The following DGKG variants were observed in gnomAD, a reference collection of about 807,000 sequenced individuals.
DGKG encodes DAG kinase gamma.
A neutral mutation model predicts 105.3 loss-of-function variants in DGKG; 78 were observed. That is an observed-to-expected ratio of 0.74 (90% confidence interval 0.62 to 0.89). DGKG has a LOEUF of 0.89. Among genes scored for constraint, DGKG ranks in the 40% least tolerant of loss-of-function variants. The pLI, the probability that DGKG is intolerant of heterozygous loss-of-function variation, is 0.00. For missense variants in DGKG, 958 were observed against 1,020.1 expected (o/e 0.94, Z 0.83); for synonymous variants, 346 against 367.1 (o/e 0.94, Z 0.66).
At chr3:186,166,294 G>A (rs962651631) in intron 22 of DGKG, among the ~76,000 whole-genome samples, 2 of 152,192 alleles carry the variant, frequency 1.3e-5, no homozygotes. Context: ...GCTTGCATCA[G>A]TCTTTCTGTG....
rs1427981801 is a variant in DGKG at position 186,211,688 on chromosome 3, G to A, written c.1917+107C>T. 5.0e-6 allele frequency: 4 copies of A among 802,092 alleles called. No homozygotes were observed. In the African/African-American group the frequency reaches 5.1e-5, roughly 10 times the overall value. 49.7% of individuals were successfully genotyped at this position (802,092 alleles called of 1,614,324 possible). On this transcript the variant is annotated intron_variant, in intron 21 of 24. Transcript: ENST00000265022. ...AGGATGGAGAAACAACAGAGACTACGCTCTGGGTCACCTCTTAAGGTCCCA... is the reference window on the plus strand; with the variant it reads ...AGGATGGAGAAACAACAGAGACTACACTCTGGGTCACCTCTTAAGGTCCCA...
At chr3:186,265,941 A>AT (rs2108578762) in intron 13 of DGKG, among the ~76,000 whole-genome samples, 1 of 152,160 alleles carries the variant, frequency 6.6e-6, no homozygotes, top group Admixed American at 6.5e-5. Context: ...AAGTGCTGGG[A>AT]TTACAGGTGT....
At chr3:186,288,988 G>T in intron 5 of DGKG, 108 bp from the exon 6 acceptor site, 1 of 1,138,332 alleles carries the variant, frequency 8.8e-7, no homozygotes, top group Non-Finnish European at 1.2e-6. Flanking sequence ...TTTTGTAGAA[G>T]TGTCTTCAAA....
At position 186,158,586 on chromosome 3, in the gene DGKG, A is replaced by G. The variant is rs185174475; in HGVS notation, c.2277+3017T>C. ...TTTTTGCCTTGTAAACTAGTTTATG[A>G]TCTAGTTTAATAAATATGAATGCCT... On this transcript the variant is annotated intron_variant, in intron 24 of 24. Transcript: ENST00000265022. 20 of 923,712 alleles carry G rather than the reference A, an allele frequency of 2.2e-5. No homozygotes were observed. In the East Asian group the frequency reaches 2.4e-3, roughly 109 times the overall value. 57.2% of individuals were successfully genotyped at this position (923,712 alleles called of 1,614,324 possible). A position where few individuals can be genotyped will look rare whatever the true frequency, so the allele number is the denominator to read the frequency against.
At chr3:186,207,368 G>T (rs996637839) in intron 21 of DGKG, 73 of 854,172 alleles carry the variant, frequency 8.5e-5, no homozygotes, top group Non-Finnish European at 9.3e-5. Flanking sequence ...GGCAAATCTG[G>T]ATTTGAAGGC....
chr3:186,340,690 C>T (rs190644751), intron 1 of DGKG, among the ~76,000 whole-genome samples: 150 of 152,296 alleles, frequency 9.8e-4, no homozygotes, highest in Non-Finnish European at 1.3e-3. Flanking sequence ...CTTCCTCCCA[C>T]GTCTATCTCC....
At chr3:186,174,966 A>G (rs935508606) in intron 22 of DGKG, among the ~76,000 whole-genome samples, 5 of 152,110 alleles carry the variant, frequency 3.3e-5, no homozygotes, top group African/African-American at 1.2e-4. Context: ...AAGAGTTAGG[A>G]AGGAGAAGCA....
intron 2 of DGKG, among the ~76,000 whole-genome samples, chr3:186,314,965 C>G (rs1487853496): frequency 6.6e-6 from 1 of 151,996 alleles, no homozygotes; most frequent in Non-Finnish European, 1.5e-5. Context: ...AGAAAAAATG[C>G]CCACCCCCCA....
At chr3:186,330,951 C>T (rs1412832140) in intron 1 of DGKG, among the ~76,000 whole-genome samples, 1 of 152,182 alleles carries the variant, frequency 6.6e-6, no homozygotes, top group East Asian at 1.9e-4. Flanking sequence ...TACACAAGCA[C>T]TTTTAGGGGC....
chr3:186,244,406 T>C (rs1720837773), intron 19 of DGKG, among the ~76,000 whole-genome samples: 1 of 134,166 alleles, frequency 7.5e-6, no homozygotes, highest in South Asian at 2.2e-4. Flanking sequence ...TAGCTATTGA[T>C]GTTTTTTTTT....
intron 6 of DGKG, among the ~76,000 whole-genome samples, chr3:186,285,955 A>G (rs1463540848): frequency 6.6e-6 from 1 of 152,176 alleles, no homozygotes; most frequent in African/African-American, 2.4e-5. Flanking sequence ...CTGGGATTAC[A>G]GGCGTGAGCC....
At chr3:186,246,764 T>C (rs1337740442) in intron 19 of DGKG, among the ~76,000 whole-genome samples, 1 of 152,168 alleles carries the variant, frequency 6.6e-6, no homozygotes, top group African/African-American at 2.4e-5. Context: ...AGGACGCTTA[T>C]CATGGTGGGA....
intron 1 of DGKG, among the ~76,000 whole-genome samples, chr3:186,334,144 G>A (rs1725721776): frequency 6.6e-6 from 1 of 152,044 alleles, no homozygotes; most frequent in Non-Finnish European, 1.5e-5. Context: ...CTTACTGAGG[G>A]TCTACTATCT....
At chr3:186,291,213 A>C (rs1723296403) in intron 5 of DGKG, among the ~76,000 whole-genome samples, 1 of 151,802 alleles carries the variant, frequency 6.6e-6, no homozygotes, top group African/African-American at 2.4e-5. Flanking sequence ...ATTTAAGAGG[A>C]GGGAATCCTA....
intron 1 of DGKG, among the ~76,000 whole-genome samples, chr3:186,341,383 A>T (rs1726078193): frequency 6.6e-6 from 1 of 152,264 alleles, no homozygotes; most frequent in East Asian, 1.9e-4. Flanking sequence ...GCAGTGGTAC[A>T]CAACTGTAGT....
At chr3:186,320,274 C>A (rs1013433397) in intron 2 of DGKG, 119 bp downstream of exon 2, 12 of 1,168,532 alleles carry the variant, frequency 1.0e-5, no homozygotes, top group Non-Finnish European at 1.4e-5. Context: ...GAAATATAAG[C>A]CGTCAGGCCT....
intron 20 of DGKG, among the ~76,000 whole-genome samples, chr3:186,229,934 G>C (rs536201195): frequency 6.6e-6 from 1 of 152,140 alleles, no homozygotes; most frequent in Admixed American, 6.5e-5. Context: ...AGACAAAGAG[G>C]GTGCAGCAAA....
chr3:186,224,713 T>TTCAATGATTGA (rs1719763950), intron 20 of DGKG, among the ~76,000 whole-genome samples: 1 of 151,968 alleles, frequency 6.6e-6, no homozygotes, highest in Non-Finnish European at 1.5e-5. Flanking sequence ...TCCAAGTGTA[T>TTCAATGATTGA]TCAATGATTG....
intron 24 of DGKG, chr3:186,159,637 ACTT>A (rs1194254388): frequency 6.6e-6 from 1 of 152,154 alleles, no homozygotes; most frequent in Non-Finnish European, 1.5e-5. Flanking sequence ...ATTTTGAATC[ACTT>A]CTTAGTTGGT....
Sources: allele counts gnomAD v4.1 joint callset (sites outside exome capture counted in the v4.1 genomes callset), GRCh38; gene constraint gnomAD v4.1.1; transcripts MANE v1.5; gene names NCBI Gene and HGNC (gene_info 2026-07-23, HGNC 2026-07-21).